Variants in VGLL4 observed in about 807,000 individuals in gnomAD.
The protein encoded by VGLL4 is vestigial like family member 4, also known as transcription cofactor vestigial-like protein 4.
A neutral mutation model predicts 21.0 loss-of-function variants in VGLL4; 7 were observed. The observed-to-expected ratio is 0.33, with a 90% CI of 0.19 to 0.63. VGLL4 has a LOEUF of 0.63. Ranked by LOEUF, VGLL4 falls within the 20% of genes least tolerant of loss-of-function variation. VGLL4 has a pLI of 0.78. For missense variants in VGLL4, 394 were observed against 425.7 expected, an observed-to-expected ratio of 0.93 and a Z score of 0.66; for synonymous variants, 222 against 173.2, an observed-to-expected ratio of 1.28 and a Z score of -2.21.
chr3:11,685,262 G>A (rs928078247), intron 2 of VGLL4, among the ~76,000 whole-genome samples: 13 of 149,926 alleles, frequency 8.7e-5, no homozygotes, highest in East Asian at 2.0e-4. Context: ...GCAGTGGTGC[G>A]ATCTCAGCTT....
At chr3:11,664,674 A>G (rs966166022) in intron 2 of VGLL4, among the ~76,000 whole-genome samples, 4 of 152,204 alleles carry the variant, frequency 2.6e-5, no homozygotes, top group Non-Finnish European at 5.9e-5. Flanking sequence ...TATCCATCTA[A>G]TAACACCATT....
At chr3:11,640,212 C>T (rs934881178) in intron 1 of VGLL4, among the ~76,000 whole-genome samples, 1 of 152,184 alleles carries the variant, frequency 6.6e-6, no homozygotes, top group African/African-American at 2.4e-5. Flanking sequence ...TTCTAAACCA[C>T]TTCCTGAAAG....
chr3:11,666,192 CA>C (rs1426219101), intron 2 of VGLL4, among the ~76,000 whole-genome samples: 1 of 149,232 alleles, frequency 6.7e-6, no homozygotes, highest in Non-Finnish European at 1.5e-5. Context: ...GCGGAGCTTG[CA>C]GTGAGCCGAG....
intron 2 of VGLL4, among the ~76,000 whole-genome samples, chr3:11,591,447 T>C (rs553470630): frequency 2.0e-5 from 3 of 152,330 alleles, no homozygotes; most frequent in African/African-American, 7.2e-5. Flanking sequence ...TGTCGTCGTT[T>C]GGCCAGAAAA....
At chr3:11,712,911 G>T (rs546403900) in intron 1 of VGLL4, among the ~76,000 whole-genome samples, 1 of 152,298 alleles carries the variant, frequency 6.6e-6, no homozygotes. Flanking sequence ...ACAGAGGTAG[G>T]CATGGAGTCA....
chr3:11,669,728 G>A (rs747209881), intron 2 of VGLL4, among the ~76,000 whole-genome samples: 1 of 151,842 alleles, frequency 6.6e-6, no homozygotes, highest in Non-Finnish European at 1.5e-5. Flanking sequence ...AGCCCAGGCT[G>A]GAGAACAATG....
chr3:11,711,786 C>T (rs148475800), intron 1 of VGLL4, among the ~76,000 whole-genome samples: 57 of 152,128 alleles, frequency 3.7e-4, no homozygotes, highest in African/African-American at 1.3e-3. Context: ...TGTATTTAGA[C>T]GTTACAAAAA....
At chr3:11,561,293 A>G (rs1273617854) in intron 3 of VGLL4, among the ~76,000 whole-genome samples, 1 of 152,126 alleles carries the variant, frequency 6.6e-6, no homozygotes, top group Non-Finnish European at 1.5e-5. Flanking sequence ...TCCAGCCTTT[A>G]TGTCAGTCTA....
chr3:11,668,125 G>A (rs902212030), intron 2 of VGLL4, among the ~76,000 whole-genome samples: 9 of 151,792 alleles, frequency 5.9e-5, no homozygotes, highest in Non-Finnish European at 1.2e-4. Context: ...AAAGTGCTGG[G>A]ATTACAGATG....
intron 1 of VGLL4, among the ~76,000 whole-genome samples, chr3:11,620,434 G>A (rs2075243988): frequency 6.6e-6 from 1 of 152,164 alleles, no homozygotes; most frequent in Non-Finnish European, 1.5e-5. Context: ...AGGGTGAAGA[G>A]CAGCAAAAGG....
chr3:11,704,774 G>C (rs1165246610), intron 1 of VGLL4, among the ~76,000 whole-genome samples: 1 of 152,184 alleles, frequency 6.6e-6, no homozygotes, highest in Non-Finnish European at 1.5e-5. Context: ...TAGACGTCAT[G>C]AGCCATTTTC....
intron 2 of VGLL4, among the ~76,000 whole-genome samples, chr3:11,655,627 C>G (rs1344337462): frequency 1.3e-5 from 2 of 152,210 alleles, no homozygotes; most frequent in African/African-American, 4.8e-5. Flanking sequence ...ATGGACAAGG[C>G]AGGATTTCCT....
At chr3:11,601,776 C>T in intron 2 of VGLL4, 57 bp downstream of exon 2, 1 of 1,579,932 alleles carries the variant, frequency 6.3e-7, no homozygotes. Context: ...AGTTGCAAAA[C>T]AAATAAGGCC....
chr3:11,658,703 A>G (rs532769164), intron 2 of VGLL4, among the ~76,000 whole-genome samples: 1 of 149,924 alleles, frequency 6.7e-6, no homozygotes, highest in Non-Finnish European at 1.5e-5. Flanking sequence ...TCCATGCCCT[A>G]AATTCTCACT....
At chr3:11,656,965 G>C (rs956878602) in intron 2 of VGLL4, among the ~76,000 whole-genome samples, 4 of 152,162 alleles carry the variant, frequency 2.6e-5, no homozygotes, top group African/African-American at 9.7e-5. Flanking sequence ...CAGGGAGGCT[G>C]GGAGTAGGCA....
At position 11,604,573 on chromosome 3, in the gene VGLL4, G is replaced by C. The variant is rs1299512842; in HGVS notation, c.83-2551C>G. The C allele has an allele frequency of 4.3e-6, 4 of 924,106 alleles. 1 individual carries two copies. The highest frequency in any genetic ancestry group is 5.1e-6 in the Non-Finnish European group (4 of 780,088). The allele number at this position is 924,106 out of a possible 1,614,324, so 57.2% of individuals were successfully genotyped here. ...TGGTAACTGTTGTATGTGTGGTGGG[G>C]TTAAAATTATTTTTGTAAAACTGAA... On this transcript the variant is annotated intron_variant, in intron 1 of 4. Transcript: ENST00000430365.
chr3:11,607,147 T>C (rs1488518830), intron 1 of VGLL4: 1 of 152,208 alleles, frequency 6.6e-6, no homozygotes, highest in Non-Finnish European at 1.5e-5. Context: ...TGCATGTTCA[T>C]AGCAGCATTA....
In VGLL4 at chr3:11,573,328, A is replaced by G. The variant is rs1309260951; in HGVS notation, c.273-8309T>C. Reference sequence around the variant, plus strand: ...GAAAGGAAGGAAGGAAGAAAGAAAGAAAGAAAGAAAGAAAGAAAGAAAGAA... The same window carrying G: ...GAAAGGAAGGAAGGAAGAAAGAAAGGAAGAAAGAAAGAAAGAAAGAAAGAA... On this transcript the variant is annotated intron_variant, in intron 2 of 4. Coordinates refer to ENST00000430365, the MANE Select transcript of VGLL4 (RefSeq NM_001128219.3). Among the ~76,000 whole-genome samples, 99 of 47,968 alleles carry G rather than the reference A, an allele frequency of 2.1e-3. 11 individuals are homozygous for G. The highest frequency in any genetic ancestry group is 5.3e-3 in the East Asian group (8 of 1,520). The allele number at this position is 47,968 out of a possible 152,430, so 31.5% of individuals were successfully genotyped here. A position where few individuals can be genotyped will look rare whatever the true frequency, so the allele number is the denominator to read the frequency against.
intron 3 of VGLL4, among the ~76,000 whole-genome samples, chr3:11,560,198 C>T (rs1391480952): frequency 1.3e-5 from 2 of 152,214 alleles, no homozygotes; most frequent in Non-Finnish European, 2.9e-5. Flanking sequence ...CAAGATTCAG[C>T]AAGTGCATCG....
Sources: gnomAD v4.1 joint callset for allele counts (sites outside exome capture counted in the v4.1 genomes callset) on GRCh38, gnomAD v4.1.1 for gene constraint, MANE v1.5 for transcripts, NCBI Gene and HGNC (gene_info 2026-07-23, HGNC 2026-07-21) for gene names.